KCNH5: variants seen among roughly 807,000 people sequenced by gnomAD.
KCNH5 encodes potassium voltage-gated channel subfamily H member 5, also known as voltage-gated delayed rectifier potassium channel KCNH5.
A neutral mutation model predicts 96.1 loss-of-function variants in KCNH5; 46 were observed. The observed-to-expected ratio is 0.48, with a 90% CI of 0.38 to 0.61. The LOEUF is 0.61. Ranked by LOEUF, KCNH5 falls within the 20% of genes least tolerant of loss-of-function variation. The probability of loss-of-function intolerance (pLI) is 0.00; values close to 1 mark genes in which losing one functional copy is unlikely to be tolerated. For missense variants in KCNH5, 907 were observed against 1,225.8 expected (o/e 0.74, Z 3.88); for synonymous variants, 439 against 449.8 (o/e 0.98, Z 0.30).
chr14:62,820,923 A>C (rs1277901583), intron 8 of KCNH5, among the ~76,000 whole-genome samples: 1 of 152,080 alleles, frequency 6.6e-6, no homozygotes, highest in Non-Finnish European at 1.5e-5. Context: ...TACTGGGTCA[A>C]ATGGTATTTC....
intron 10 of KCNH5, among the ~76,000 whole-genome samples, chr14:62,709,232 C>CAAAAAAAAAAAAAAAAAAA (rs67304113): frequency 7.0e-5 from 5 of 71,572 alleles, no homozygotes; most frequent in East Asian, 1.1e-3. Flanking sequence ...GACTCCTTCT[C>CAAAAAAAAAAAAAAAAAAA]AAAAAAAAAA....
chr14:62,768,083 G>A (rs1485834497), intron 10 of KCNH5, among the ~76,000 whole-genome samples: 1 of 151,954 alleles, frequency 6.6e-6, no homozygotes, highest in African/African-American at 2.4e-5. Flanking sequence ...AGGGGTGAGG[G>A]ATGAGAAATT....
chr14:62,849,887 A>G (rs936681010), intron 7 of KCNH5, 35 bp from the exon 8 acceptor site: 68 of 1,480,384 alleles, frequency 4.6e-5, no homozygotes, highest in Non-Finnish European at 6.1e-5. Flanking sequence ...TAAAACAAAT[A>G]TCTCATGTGA....
intron 6 of KCNH5, among the ~76,000 whole-genome samples, chr14:62,972,100 A>G (rs1208266544): frequency 6.6e-6 from 1 of 152,184 alleles, no homozygotes; most frequent in East Asian, 1.9e-4. Context: ...TTTGCAAAAG[A>G]CATCTAATAA....
chr14:62,908,782 A>ATTTTTTTTTTTTTTTTTTTTTTTTTTTT (rs71120241), intron 7 of KCNH5, among the ~76,000 whole-genome samples: 2 of 23,718 alleles, frequency 8.4e-5, no homozygotes, highest in African/African-American at 1.8e-4. Flanking sequence ...TTTGCTTTGT[A>ATTTTTTTTTTTTTTTTTTTTTTTTTTTT]TTTTTTTTTT....
At position 63,045,351 on chromosome 14, in the gene KCNH5, C is replaced by T; in HGVS notation, c.-165G>A. 1.6e-6 allele frequency: 1 copy of T among 640,918 alleles called. No homozygotes were observed. Among genetic ancestry groups the T allele is most frequent in the Non-Finnish European group, 2.8e-6 (1 of 354,610 alleles). 39.7% of individuals were successfully genotyped at this position (640,918 alleles called of 1,614,324 possible). A position where few individuals can be genotyped will look rare whatever the true frequency, so the allele number is the denominator to read the frequency against. On this transcript the variant is annotated 5_prime_UTR_variant, in exon 1 of 11. Transcript: ENST00000322893. ...CCCTGACTGTGTCTCCAGCCCGACCCGGATGAGCAGCTCTGGGGAGGAGGA... is the reference window on the plus strand; with the variant it reads ...CCCTGACTGTGTCTCCAGCCCGACCTGGATGAGCAGCTCTGGGGAGGAGGA...
chr14:62,846,646 T>A (rs1442205787), intron 8 of KCNH5, among the ~76,000 whole-genome samples: 1 of 151,770 alleles, frequency 6.6e-6, no homozygotes, highest in African/African-American at 2.4e-5. Context: ...TCTTTACAAT[T>A]CATTCTTTAA....
At chr14:62,868,585 G>A (rs1345509343) in intron 7 of KCNH5, among the ~76,000 whole-genome samples, 1 of 151,754 alleles carries the variant, frequency 6.6e-6, no homozygotes, top group East Asian at 1.9e-4. Flanking sequence ...TTAAGTTCTG[G>A]GACATATGTG....
At position 63,001,365 on chromosome 14, in the gene KCNH5, C is replaced by A. The variant is rs200038886; in HGVS notation, c.399G>T (p.Leu133Phe). 1 of 1,611,136 alleles carries A rather than the reference C, an allele frequency of 6.2e-7. No homozygotes were observed. Among genetic ancestry groups the A allele is most frequent in the Non-Finnish European group, 8.5e-7 (1 of 1,178,808 alleles). ...LFLCTFKDIT[L>F]FKQPIEDDST... ...AATCATCCTCTATTGGCTGTTTGAACAACGTAATATCCTTGAAAGTACACA... is the reference window on the plus strand; with the variant it reads ...AATCATCCTCTATTGGCTGTTTGAAAAACGTAATATCCTTGAAAGTACACA... Residue 133 changes from leucine to phenylalanine, a missense_variant, in exon 4 of 11, where the codon TTG becomes TTT. Physicochemically the swap from Leu to Phe is conservative, Grantham distance 22. This residue lies in a region of KCNH5 where 370 missense variants were observed against 561.3 expected (regional missense o/e 0.66). Coordinates refer to ENST00000322893, the MANE Select transcript of KCNH5 (RefSeq NM_139318.5).
At chr14:62,958,228 G>A (rs1052845544) in intron 6 of KCNH5, among the ~76,000 whole-genome samples, 3 of 152,104 alleles carry the variant, frequency 2.0e-5, no homozygotes, top group African/African-American at 2.4e-5. Context: ...ATGGATTGAC[G>A]CCAACAAATA....
intron 10 of KCNH5, among the ~76,000 whole-genome samples, chr14:62,708,918 T>G (rs1475931708): frequency 6.6e-6 from 1 of 152,240 alleles, no homozygotes; most frequent in Non-Finnish European, 1.5e-5. Context: ...TTTTCCTTAT[T>G]GTGTAGAAAT....
chr14:62,872,544 T>C (rs1022583006), intron 7 of KCNH5, among the ~76,000 whole-genome samples: 1 of 151,806 alleles, frequency 6.6e-6, no homozygotes, highest in African/African-American at 2.4e-5. Context: ...CCAAAAAAAA[T>C]TAGCTGGGCG....
At chr14:62,793,375 T>C (rs923510901) in intron 9 of KCNH5, among the ~76,000 whole-genome samples, 3 of 151,810 alleles carry the variant, frequency 2.0e-5, no homozygotes, top group African/African-American at 7.2e-5. Context: ...ATTATGGTAA[T>C]GGTATTAAGA....
At chr14:62,749,396 T>C (rs1315288882) in intron 10 of KCNH5, among the ~76,000 whole-genome samples, 1 of 152,190 alleles carries the variant, frequency 6.6e-6, no homozygotes, top group East Asian at 1.9e-4. Context: ...AGAAGTTTAA[T>C]GGCAATTGGG....
At chr14:62,751,714 A>C (rs1479768079) in intron 10 of KCNH5, among the ~76,000 whole-genome samples, 2 of 152,228 alleles carry the variant, frequency 1.3e-5, no homozygotes, top group Non-Finnish European at 2.9e-5. Flanking sequence ...GAGCTTAAGG[A>C]TAGAGCCAAG....
chr14:62,741,133 G>A (rs1239429148), intron 10 of KCNH5, among the ~76,000 whole-genome samples: 3 of 152,224 alleles, frequency 2.0e-5, no homozygotes, highest in Non-Finnish European at 2.9e-5. Flanking sequence ...TCATAATGGA[G>A]TTTTCCCAGA....
chr14:62,725,520 G>A (rs1339244332), intron 10 of KCNH5, among the ~76,000 whole-genome samples: 1 of 152,108 alleles, frequency 6.6e-6, no homozygotes, highest in Non-Finnish European at 1.5e-5. Flanking sequence ...TCTAGTTGAG[G>A]ACAGCATGGT....
At chr14:62,877,158 T>A (rs1888390601) in intron 7 of KCNH5, among the ~76,000 whole-genome samples, 1 of 152,060 alleles carries the variant, frequency 6.6e-6, no homozygotes, top group South Asian at 2.1e-4. Context: ...AAGCTGAAAC[T>A]GGATCCCTTC....
At chr14:62,850,549 T>C (rs758408513) in intron 7 of KCNH5, among the ~76,000 whole-genome samples, 10 of 152,138 alleles carry the variant, frequency 6.6e-5, no homozygotes, top group Non-Finnish European at 1.2e-4. Context: ...CCACTGACAA[T>C]TGTCATTCAT....
Sources: gnomAD v4.1 joint callset for allele counts (sites outside exome capture counted in the v4.1 genomes callset) on GRCh38, gnomAD v4.1.1 for gene constraint, gnomAD v4.1.1 regional missense constraint, MANE v1.5 for transcripts, NCBI Gene and HGNC (gene_info 2026-07-23, HGNC 2026-07-21) for gene names.